The following MKLN1 variants were observed in gnomAD, a reference collection of about 807,000 sequenced individuals.
MKLN1 encodes the protein muskelin 1.
A neutral mutation model predicts 99.0 loss-of-function variants in MKLN1; 18 were observed. The observed-to-expected ratio is 0.18, with a 90% CI of 0.13 to 0.27. The LOEUF is 0.27. Ranked by LOEUF, MKLN1 falls within the 10% of genes least tolerant of loss-of-function variation. The probability of loss-of-function intolerance (pLI) is 1.00; values close to 1 mark genes in which losing one functional copy is unlikely to be tolerated. For missense variants in MKLN1, 621 were observed against 875.9 expected, an observed-to-expected ratio of 0.71 and a Z score of 3.67; for synonymous variants, 288 against 293.2, an observed-to-expected ratio of 0.98 and a Z score of 0.18.
chr7:131,416,487 C>T (rs1182558103), intron 8 of MKLN1, among the ~76,000 whole-genome samples: 3 of 150,100 alleles, frequency 2.0e-5, no homozygotes, highest in Non-Finnish European at 4.4e-5. Flanking sequence ...CCTTGAAATA[C>T]TTACAATAAA....
At chr7:131,340,306 T>G (rs1799370462) in intron 1 of MKLN1, among the ~76,000 whole-genome samples, 1 of 119,094 alleles carries the variant, frequency 8.4e-6, no homozygotes, top group Non-Finnish European at 1.6e-5. Context: ...TGAGATGGAG[T>G]CTCGCTTTGT....
rs1040940793 is a variant in MKLN1, at chr7:131,496,255, A to G, written c.*8527A>G. 2 of 152,094 alleles carry G rather than the reference A, an allele frequency of 1.3e-5. No individual in the cohort carries two copies. Among genetic ancestry groups the G allele is most frequent in the African/African-American group, 2.4e-5 (1 of 41,342 alleles). 9.4% of individuals were successfully genotyped at this position (152,094 alleles called of 1,614,324 possible). On this transcript the variant is annotated 3_prime_UTR_variant, in exon 18 of 18. Coordinates refer to ENST00000352689, the MANE Select transcript of MKLN1 (RefSeq NM_013255.5). ...ATCCACATGGTCTTAAATGGAAATC[A>G]TGGGACTCTGGAAAGCTGGCATGAG...
Position 131,487,675 on chromosome 7 carries a change from C to T in MKLN1, c.2155C>T (p.Pro719Ser). The part of the protein sequence containing the change: ...QLFDTLVNFF[P>S]DSMTPPKGNL... ...CTTTGACACCTTAGTAAATTTCTTT[C>T]CTGACAGCATGACTCCTCCTAAAGG... The change falls in exon 18 of 18, where the codon CCT becomes TCT. Residue 719 changes from proline (P) to serine (S), a missense_variant. Physicochemically the swap from Pro to Ser is moderately conservative, Grantham distance 74. Transcript: ENST00000352689. The surrounding 1 kb of genome is among the most constrained non-coding windows in gnomAD (Gnocchi z 4.7). The T allele has an allele frequency of 3.1e-6, 5 of 1,613,098 alleles. No individual in the cohort carries two copies. Among genetic ancestry groups the T allele is most frequent in the Non-Finnish European group, 4.2e-6 (5 of 1,179,370 alleles).
chr7:131,204,554 G>A lies in MKLN1; in HGVS notation c.-179+1580G>A, dbSNP rs570119391. Among the ~76,000 whole-genome samples the A allele has an allele frequency of 1.3e-3, 197 of 152,252 alleles. 1 individual carries two copies. The highest frequency in any genetic ancestry group is 4.5e-3 in the African/African-American group (188 of 41,550). ...AATTGAAAAAGCTGCAAGTTAGGCCGGGTGCGGTGGCTCACGCCTGTAATC... is the reference window on the plus strand; with the variant it reads ...AATTGAAAAAGCTGCAAGTTAGGCCAGGTGCGGTGGCTCACGCCTGTAATC... On this transcript the variant is annotated intron_variant, in intron 3 of 7. Coordinates refer to the MKLN1 transcript ENST00000416992.
intron 15 of MKLN1, among the ~76,000 whole-genome samples, chr7:131,470,078 G>A (rs1485032609): frequency 6.6e-6 from 1 of 152,110 alleles, no homozygotes; most frequent in Non-Finnish European, 1.5e-5. Flanking sequence ...TGTTGGCCAA[G>A]CTGGTTTCAA....
chr7:131,232,370 C>T (rs1371568348), intron 3 of MKLN1, among the ~76,000 whole-genome samples: 1 of 152,060 alleles, frequency 6.6e-6, no homozygotes, highest in Non-Finnish European at 1.5e-5. Flanking sequence ...GAGTAGTTTT[C>T]CTTTTGATTA....
chr7:131,399,510 A>T lies in MKLN1; in HGVS notation c.703+77A>T, dbSNP rs1009307628. 9.1e-6 allele frequency: 11 copies of T among 1,215,316 alleles called. No homozygotes were observed. The African/African-American group carries it at 1.7e-4, about 19-fold the overall frequency. 75.3% of individuals were successfully genotyped at this position (1,215,316 alleles called of 1,614,324 possible). On this transcript the variant is annotated intron_variant, in intron 6 of 17. Coordinates refer to ENST00000352689, the MANE Select transcript of MKLN1 (RefSeq NM_013255.5). ...TTTTTCTCAAAAATAATATAGGCTT[A>T]TGCCAGTTATTACTGTAATTTTTTT...
At chr7:131,478,553 G>GTGCA in intron 16 of MKLN1, 70 bp from the exon 17 acceptor site, 5 of 1,416,050 alleles carry the variant, frequency 3.5e-6, no homozygotes, top group Non-Finnish European at 4.6e-6. Context: ...GTTATAGAAG[G>GTGCA]CTATTTTCCT....
intron 3 of MKLN1, among the ~76,000 whole-genome samples, chr7:131,302,980 A>C (rs1326174614): frequency 6.6e-6 from 1 of 152,080 alleles, no homozygotes; most frequent in Admixed American, 6.5e-5. Flanking sequence ...CTCTAGATTT[A>C]TGCTTGTGTG....
Position 131,487,477 on chromosome 7 carries a change from A to G in MKLN1, c.2087-130A>G, listed in dbSNP as rs1797314025. The G allele has an allele frequency of 2.1e-6, 2 of 951,572 alleles. No individual in the cohort carries two copies. Among genetic ancestry groups the G allele is most frequent in the Non-Finnish European group, 3.1e-6 (2 of 645,356 alleles). 58.9% of individuals were successfully genotyped at this position (951,572 alleles called of 1,614,324 possible). A position where few individuals can be genotyped will look rare whatever the true frequency, so the allele number is the denominator to read the frequency against. On this transcript the variant is annotated intron_variant, in intron 17 of 17. Transcript: ENST00000352689. The surrounding 1 kb of genome is among the most constrained non-coding windows in gnomAD (Gnocchi z 4.7). ...CAGGTAGTAGAACTGGGGTCAGATC[A>G]GTAGTGTCTGCCTGGTTTTGAAGCC...
intron 2 of MKLN1, among the ~76,000 whole-genome samples, chr7:131,166,749 G>T (rs1359196879): frequency 6.6e-6 from 1 of 152,098 alleles, no homozygotes; most frequent in Non-Finnish European, 1.5e-5. Flanking sequence ...GCAGTGGCAC[G>T]ATCTCGGCTC....
intron 1 of MKLN1, among the ~76,000 whole-genome samples, chr7:131,345,159 A>G (rs1799521924): frequency 6.6e-6 from 1 of 152,162 alleles, no homozygotes; most frequent in Admixed American, 6.5e-5. Context: ...TTTGGCATGT[A>G]ATTTGGAAGG....
chr7:131,172,693 A>G (rs1191483542), intron 2 of MKLN1, among the ~76,000 whole-genome samples: 2 of 152,230 alleles, frequency 1.3e-5, no homozygotes, highest in African/African-American at 4.8e-5. Context: ...TTTCTTGTAC[A>G]CCATGAAAAG....
intron 1 of MKLN1, among the ~76,000 whole-genome samples, chr7:131,360,728 T>C (rs1396966256): frequency 1.3e-5 from 2 of 152,200 alleles, no homozygotes; most frequent in African/African-American, 4.8e-5. Flanking sequence ...TTTATCTTCA[T>C]TTAATCCTTC....
At chr7:131,385,224 C>T (rs1278449513) in intron 2 of MKLN1, among the ~76,000 whole-genome samples, 1 of 152,206 alleles carries the variant, frequency 6.6e-6, no homozygotes, top group Non-Finnish European at 1.5e-5. Flanking sequence ...TACTACATTG[C>T]ACAGAAATAC....
In MKLN1 at chr7:131,487,293, C is replaced by G. The variant is rs1368594845; in HGVS notation, c.2087-314C>G. Among the ~76,000 whole-genome samples, 2 of 152,280 alleles carry G rather than the reference C, an allele frequency of 1.3e-5. No homozygotes were observed. Among genetic ancestry groups the G allele is most frequent in the East Asian group, 1.9e-4 (1 of 5,186 alleles). On this transcript the variant is annotated intron_variant, in intron 17 of 17. Coordinates refer to ENST00000352689, the MANE Select transcript of MKLN1 (RefSeq NM_013255.5). This position sits in a 1 kb window ranked among gnomAD's most constrained non-coding sequence, Gnocchi z 4.7. ...AAAGAGAGATCAGTATTATTTGTAA[C>G]TAAAGTGCCAGTCCTTCTGCTAGAC...
intron 12 of MKLN1, among the ~76,000 whole-genome samples, chr7:131,454,025 G>A (rs982266852): frequency 4.7e-5 from 7 of 148,114 alleles, no homozygotes; most frequent in South Asian, 2.1e-4. Context: ...GGAAGCAGGT[G>A]TCTTACATTC....
intron 3 of MKLN1, among the ~76,000 whole-genome samples, chr7:131,252,544 T>C (rs1362979369): frequency 6.6e-6 from 1 of 152,108 alleles, no homozygotes; most frequent in Non-Finnish European, 1.5e-5. Flanking sequence ...TTAGCCAGGA[T>C]GGTCTCAATC....
chr7:131,270,624 CTATT>C (rs1329074792), intron 3 of MKLN1, among the ~76,000 whole-genome samples: 2 of 152,190 alleles, frequency 1.3e-5, no homozygotes, highest in Non-Finnish European at 2.9e-5. Flanking sequence ...CTTCATTCAT[CTATT>C]TATTCATTTC....
Sources: allele counts gnomAD v4.1 joint callset (sites outside exome capture counted in the v4.1 genomes callset), GRCh38; gene constraint gnomAD v4.1.1; non-coding constraint Gnocchi (gnomAD v3.1); transcripts MANE v1.5; gene names NCBI Gene and HGNC (gene_info 2026-07-23, HGNC 2026-07-21).